The following STXBP5L variants were observed in gnomAD, a reference collection of about 807,000 sequenced individuals.
STXBP5L encodes the protein syntaxin-binding protein 5-like.
Under a neutral mutation model 144.5 loss-of-function variants are expected in STXBP5L, and 65 were observed. The ratio of observed to expected loss-of-function variants is 0.45; its 90% CI spans 0.37 to 0.55. STXBP5L has a LOEUF of 0.55. STXBP5L is among the 20% of genes least tolerant of loss of function. STXBP5L has a pLI of 0.00. For missense variants in STXBP5L, 1,298 were observed against 1,405.5 expected, an observed-to-expected ratio of 0.92 and a Z score of 1.22; for synonymous variants, 505 against 469.6, an observed-to-expected ratio of 1.08 and a Z score of -0.97.
At position 121,422,724 on chromosome 3, in the gene STXBP5L, G is replaced by A. The variant is rs1369590514; in HGVS notation, c.*3627G>A. On this transcript the variant is annotated 3_prime_UTR_variant, in exon 27 of 27. Coordinates refer to ENST00000471454, the MANE Select transcript of STXBP5L (RefSeq NM_001308330.2). Reference sequence around the variant, plus strand: ...TGTTTTCCAGTGATTCAGTCACAAAGACAATTTTCTCAGATCTTTTGAAAG... The same window carrying A: ...TGTTTTCCAGTGATTCAGTCACAAAAACAATTTTCTCAGATCTTTTGAAAG... 1 of 152,096 alleles carries A rather than the reference G, an allele frequency of 6.6e-6. No homozygotes were observed. The highest frequency in any genetic ancestry group is 2.4e-5 in the African/African-American group (1 of 41,430). The allele number at this position is 152,096 out of a possible 1,614,324, so 9.4% of individuals were successfully genotyped here. A position where few individuals can be genotyped will look rare whatever the true frequency, so the allele number is the denominator to read the frequency against.
At chr3:121,306,006 T>C (rs1030731773) in intron 19 of STXBP5L, among the ~76,000 whole-genome samples, 4 of 152,084 alleles carry the variant, frequency 2.6e-5, no homozygotes, top group African/African-American at 9.7e-5. Flanking sequence ...AAATGAACTT[T>C]AAAAAAATAC....
At chr3:121,035,428 G>A (rs925142642) in intron 3 of STXBP5L, among the ~76,000 whole-genome samples, 4 of 152,130 alleles carry the variant, frequency 2.6e-5, no homozygotes, top group Non-Finnish European at 5.9e-5. Context: ...TTCTGCATAT[G>A]ACAATCCAAT....
At chr3:120,974,041 C>A (rs1029674285) in intron 3 of STXBP5L, among the ~76,000 whole-genome samples, 15 of 152,152 alleles carry the variant, frequency 9.9e-5, no homozygotes, top group African/African-American at 3.1e-4. Context: ...ATTTATAGTC[C>A]TTTGGGTATA....
intron 19 of STXBP5L, among the ~76,000 whole-genome samples, chr3:121,297,730 C>T (rs930344472): frequency 5.3e-5 from 8 of 152,108 alleles, no homozygotes; most frequent in South Asian, 2.1e-4. Flanking sequence ...CTACAGCCTG[C>T]GCGACAGAGT....
intron 22 of STXBP5L, among the ~76,000 whole-genome samples, chr3:121,397,517 G>A (rs1452807921): frequency 1.3e-5 from 2 of 152,134 alleles, no homozygotes; most frequent in Admixed American, 1.3e-4. Context: ...CATTTTAAAG[G>A]TATAGGTTCT....
chr3:121,367,612 T>G (rs979894572), intron 20 of STXBP5L, among the ~76,000 whole-genome samples: 12 of 142,648 alleles, frequency 8.4e-5, no homozygotes, highest in Non-Finnish European at 3.1e-5. Flanking sequence ...TTTTTTTTTT[T>G]TTTTTTTTTT....
chr3:121,001,650 C>A (rs913412591), intron 3 of STXBP5L, among the ~76,000 whole-genome samples: 1 of 152,150 alleles, frequency 6.6e-6, no homozygotes, highest in African/African-American at 2.4e-5. Context: ...CCACTCCATG[C>A]CTATTTAACT....
At chr3:121,036,233 T>C (rs116823503) in intron 3 of STXBP5L, among the ~76,000 whole-genome samples, 2,413 of 152,186 alleles carry the variant, frequency 0.016, 34 homozygotes, top group Non-Finnish European at 0.028. Context: ...CTTGGGAAGC[T>C]GAGGCAGGAG....
chr3:121,101,626 A>G (rs778845787), intron 5 of STXBP5L, among the ~76,000 whole-genome samples: 1 of 152,252 alleles, frequency 6.6e-6, no homozygotes, highest in East Asian at 1.9e-4. Context: ...AGCCAATATC[A>G]TACTGAACAG....
At chr3:120,974,415 T>G (rs1435677181) in intron 3 of STXBP5L, among the ~76,000 whole-genome samples, 1 of 150,646 alleles carries the variant, frequency 6.6e-6, no homozygotes, top group Non-Finnish European at 1.5e-5. Context: ...TAAATTTGTT[T>G]GAGTTCATTG....
In STXBP5L at chr3:121,096,688, A is replaced by G. The variant is rs188466761; in HGVS notation, c.471-18237A>G. Among the ~76,000 whole-genome samples the G allele has an allele frequency of 3.8e-4, 57 of 151,542 alleles. No homozygotes were observed. The East Asian group carries it at 0.01, about 27-fold the overall frequency. On this transcript the variant is annotated intron_variant, in intron 5 of 26. Coordinates refer to ENST00000471454, the MANE Select transcript of STXBP5L (RefSeq NM_001308330.2). ...GGGGCGGCTGCATAACAGCGAAAGAAAAAAAAAAGCCTGTTTTTTCCTCTG... is the reference window on the plus strand; with the variant it reads ...GGGGCGGCTGCATAACAGCGAAAGAGAAAAAAAAGCCTGTTTTTTCCTCTG...
intron 20 of STXBP5L, chr3:121,356,904 G>C (rs1039323564): frequency 5.2e-5 from 8 of 154,220 alleles, no homozygotes; most frequent in African/African-American, 1.9e-4. Flanking sequence ...GCCCATTCAA[G>C]GGACTGGTCA....
At chr3:121,186,042 T>A (rs1176743952) in intron 9 of STXBP5L, among the ~76,000 whole-genome samples, 2 of 152,184 alleles carry the variant, frequency 1.3e-5, no homozygotes, top group African/African-American at 4.8e-5. Flanking sequence ...CCTAGGTATT[T>A]TATTCTCTTT....
intron 3 of STXBP5L, among the ~76,000 whole-genome samples, chr3:120,960,128 A>T (rs1938581932): frequency 6.6e-6 from 1 of 152,260 alleles, no homozygotes; most frequent in African/African-American, 2.4e-5. Context: ...AAAAGAAGAC[A>T]TTTATGCAGC....
At chr3:120,912,501 T>C (rs1708894338) in intron 2 of STXBP5L, among the ~76,000 whole-genome samples, 1 of 151,794 alleles carries the variant, frequency 6.6e-6, no homozygotes, top group African/African-American at 2.4e-5. Context: ...AGGAAGGTAG[T>C]AGGATGTTCG....
chr3:121,344,213 T>C (rs576702093), intron 20 of STXBP5L, among the ~76,000 whole-genome samples: 1 of 152,154 alleles, frequency 6.6e-6, no homozygotes, highest in African/African-American at 2.4e-5. Context: ...AAGCTGAAAC[T>C]GGATCCCTTC....
At chr3:121,081,839 C>T (rs961177430) in intron 5 of STXBP5L, among the ~76,000 whole-genome samples, 1 of 152,166 alleles carries the variant, frequency 6.6e-6, no homozygotes, top group African/African-American at 2.4e-5. Flanking sequence ...AGAGTGGGAG[C>T]TACCTCAGCT....
chr3:121,112,140 A>T (rs1240519101), intron 5 of STXBP5L, among the ~76,000 whole-genome samples: 1 of 151,624 alleles, frequency 6.6e-6, no homozygotes, highest in Non-Finnish European at 1.5e-5. Flanking sequence ...TCCCCCCAGG[A>T]CTCAGTCATC....
chr3:121,132,589 A>C (rs1401136260), intron 7 of STXBP5L, among the ~76,000 whole-genome samples: 2 of 152,212 alleles, frequency 1.3e-5, no homozygotes, highest in Non-Finnish European at 2.9e-5. Flanking sequence ...AAAGTGCAGA[A>C]AGCAACATAG....
Sources: allele counts gnomAD v4.1 joint callset (sites outside exome capture counted in the v4.1 genomes callset), GRCh38; gene constraint gnomAD v4.1.1; transcripts MANE v1.5; gene names NCBI Gene and HGNC (gene_info 2026-07-23, HGNC 2026-07-21).